Variants in WNT7A observed in about 807,000 individuals in gnomAD.
WNT7A encodes the protein protein Wnt-7a.
In WNT7A, 16 loss-of-function variants were observed where a neutral mutation model predicts 28.2. That is an observed-to-expected ratio of 0.57 (90% CI 0.38 to 0.86). The LOEUF (loss-of-function observed/expected upper bound fraction) is 0.86. Among genes scored for constraint, WNT7A ranks in the 40% least tolerant of loss-of-function variants. The pLI, the probability that WNT7A is intolerant of heterozygous loss-of-function variation, is 0.00. For missense variants in WNT7A, 411 were observed against 489.7 expected, an observed-to-expected ratio of 0.84 and a Z score of 1.52; for synonymous variants, 190 against 195.9, an observed-to-expected ratio of 0.97 and a Z score of 0.25.
intron 2 of WNT7A, among the ~76,000 whole-genome samples, chr3:13,864,831 T>C (rs1694885662): frequency 6.6e-6 from 1 of 152,272 alleles, no homozygotes; most frequent in South Asian, 2.1e-4. Flanking sequence ...ATTTTACATG[T>C]ATGTGCATGC....
At chr3:13,824,789 A>T (rs116517588) in intron 3 of WNT7A, among the ~76,000 whole-genome samples, 2,392 of 152,344 alleles carry the variant, frequency 0.016, 52 homozygotes, top group Admixed American at 0.066. Context: ...ACTACTGAAT[A>T]TGTACCCTGC....
intron 3 of WNT7A, among the ~76,000 whole-genome samples, chr3:13,829,533 G>T (rs1694244750): frequency 6.6e-6 from 1 of 152,212 alleles, no homozygotes; most frequent in African/African-American, 2.4e-5. Context: ...GGCTAGAAGG[G>T]CAGGGCAGGG....
chr3:13,820,291 G>A (rs982897946), intron 3 of WNT7A, among the ~76,000 whole-genome samples: 1 of 152,178 alleles, frequency 6.6e-6, no homozygotes, highest in Non-Finnish European at 1.5e-5. Context: ...ATGAATGGAG[G>A]AAGGGGTAAG....
At chr3:13,868,729 AAAGAAAG>A (rs1694964073) in intron 2 of WNT7A, among the ~76,000 whole-genome samples, 1 of 148,748 alleles carries the variant, frequency 6.7e-6, no homozygotes, top group Admixed American at 6.7e-5. Flanking sequence ...AGAAAGAAAG[AAAGAAAG>A]AAGAGAAAGA....
chr3:13,869,495 G>A (rs964059924), intron 2 of WNT7A, among the ~76,000 whole-genome samples: 1 of 145,946 alleles, frequency 6.9e-6, no homozygotes, highest in Non-Finnish European at 1.5e-5. Flanking sequence ...GGGAGGGAGG[G>A]AAAGAGAGAG....
At chr3:13,840,630 A>AT (rs199532538) in intron 3 of WNT7A, among the ~76,000 whole-genome samples, 4 of 151,392 alleles carry the variant, frequency 2.6e-5, no homozygotes, top group African/African-American at 9.7e-5. Context: ...CCATCCATCC[A>AT]CCCATTCAGC....
intron 2 of WNT7A, among the ~76,000 whole-genome samples, chr3:13,873,752 G>C (rs4685046): frequency 0.5 from 76,070 of 152,018 alleles, 20,086 homozygotes; most frequent in East Asian, 0.77. Context: ...AGGTCGAAAA[G>C]GTCTAGAAGA....
chr3:13,873,462 A>C (rs1162784885), intron 2 of WNT7A, among the ~76,000 whole-genome samples: 1 of 152,074 alleles, frequency 6.6e-6, no homozygotes, highest in African/African-American at 2.4e-5. Flanking sequence ...AAGTCAATGC[A>C]CCTGCAGGAC....
chr3:13,847,153 G>A (rs770242155), intron 3 of WNT7A, among the ~76,000 whole-genome samples: 9 of 152,326 alleles, frequency 5.9e-5, no homozygotes, highest in Non-Finnish European at 1.2e-4. Flanking sequence ...GGCCTCGTGG[G>A]CACCCTCCGC....
chr3:13,824,052 C>G (rs147707929), intron 3 of WNT7A, among the ~76,000 whole-genome samples: 1 of 152,334 alleles, frequency 6.6e-6, no homozygotes, highest in East Asian at 1.9e-4. Context: ...TTACTTTTGT[C>G]CTTTTATTAG....
In WNT7A at chr3:13,817,950, G is replaced by A. The variant is rs893968309; in HGVS notation, c.*994C>T. The A allele has an allele frequency of 3.9e-5, 6 of 152,124 alleles. No homozygotes were observed. Among genetic ancestry groups the A allele is most frequent in the Non-Finnish European group, 8.8e-5 (6 of 68,046 alleles). 9.4% of individuals were successfully genotyped at this position (152,124 alleles called of 1,614,324 possible). On this transcript the variant is annotated 3_prime_UTR_variant, in exon 4 of 4. Coordinates refer to ENST00000285018, the MANE Select transcript of WNT7A (RefSeq NM_004625.4). The stretch of plus-strand genomic sequence containing the variant: ...ATGCCTCAACCCCAGGCATCCAGGG[G>A]CAGCTTGTGCCCACTTGGCAAACAG...
intron 3 of WNT7A, among the ~76,000 whole-genome samples, chr3:13,852,819 C>G (rs1559301854): frequency 6.6e-6 from 1 of 152,184 alleles, no homozygotes; most frequent in Non-Finnish European, 1.5e-5. Context: ...TCAGCCCTTT[C>G]TCTGCATACA....
chr3:13,879,681 C>A, intron 1 of WNT7A, 65 bp downstream of exon 1: 1 of 1,559,070 alleles, frequency 6.4e-7, no homozygotes, highest in East Asian at 2.3e-5. Flanking sequence ...AGGCGGCACA[C>A]CTCCCTCCCC....
At chr3:13,878,497 G>A (rs1695147387) in intron 1 of WNT7A, among the ~76,000 whole-genome samples, 1 of 152,132 alleles carries the variant, frequency 6.6e-6, no homozygotes, top group South Asian at 2.1e-4. Context: ...GTACTGGCGC[G>A]AGCCCCGCAG....
chr3:13,836,364 C>G (rs778608372), intron 3 of WNT7A, among the ~76,000 whole-genome samples: 18 of 152,228 alleles, frequency 1.2e-4, no homozygotes, highest in Non-Finnish European at 2.4e-4. Context: ...CATCCGCACG[C>G]TCTCCCCAGG....
At chr3:13,876,566 G>C (rs952833264) in intron 1 of WNT7A, among the ~76,000 whole-genome samples, 1 of 152,148 alleles carries the variant, frequency 6.6e-6, no homozygotes, top group Non-Finnish European at 1.5e-5. Context: ...GCTCAGCTGT[G>C]GGCAGTTTTC....
chr3:13,831,282 G>A (rs1461021494), intron 3 of WNT7A, among the ~76,000 whole-genome samples: 1 of 152,176 alleles, frequency 6.6e-6, no homozygotes, highest in South Asian at 2.1e-4. Context: ...GGTGTCCAGT[G>A]CCTGACACGA....
At chr3:13,828,077 C>T (rs183591377) in intron 3 of WNT7A, among the ~76,000 whole-genome samples, 331 of 152,258 alleles carry the variant, frequency 2.2e-3, no homozygotes, top group African/African-American at 7.7e-3. Context: ...CTCAATGAGG[C>T]CTTTCCTAGC....
intron 3 of WNT7A, among the ~76,000 whole-genome samples, chr3:13,852,025 G>A (rs1694647193): frequency 6.6e-6 from 1 of 152,252 alleles, no homozygotes; most frequent in South Asian, 2.1e-4. Flanking sequence ...GCTTCCTTGC[G>A]GTGTTGCCCC....
Sources: gnomAD v4.1 joint callset for allele counts (sites outside exome capture counted in the v4.1 genomes callset) on GRCh38, gnomAD v4.1.1 for gene constraint, MANE v1.5 for transcripts, NCBI Gene and HGNC (gene_info 2026-07-23, HGNC 2026-07-21) for gene names.